Variants in KLHL29 observed in about 807,000 individuals in gnomAD.
KLHL29 encodes kelch-like protein 29.
KLHL29 carries 21 observed loss-of-function variants against 80.4 expected under a neutral mutation model. The observed-to-expected ratio is 0.26, with a 90% CI of 0.19 to 0.38. The LOEUF (loss-of-function observed/expected upper bound fraction) is 0.38, where lower values mean the gene tolerates loss of function less well. Ranked by LOEUF, KLHL29 falls within the 10% of genes least tolerant of loss-of-function variation. The probability of loss-of-function intolerance (pLI) is 1.00; values close to 1 mark genes in which losing one functional copy is unlikely to be tolerated. For synonymous variants in KLHL29, 511 were observed against 526.8 expected (o/e 0.97, Z 0.41); for missense variants, 867 against 1,223.9 (o/e 0.71, Z 4.35).
chr2:23,588,946 C>T (rs1393057278), intron 3 of KLHL29, among the ~76,000 whole-genome samples: 1 of 152,232 alleles, frequency 6.6e-6, no homozygotes, highest in Non-Finnish European at 1.5e-5. Context: ...ATTTCAGACA[C>T]CGGGCCTCCC....
chr2:23,632,167 G>A (rs945364070), intron 3 of KLHL29, among the ~76,000 whole-genome samples: 1 of 152,200 alleles, frequency 6.6e-6, no homozygotes, highest in African/African-American at 2.4e-5. Flanking sequence ...CCCTCCCTGT[G>A]TGATCTTGGA....
chr2:23,548,543 T>C (rs1314616855), intron 2 of KLHL29, among the ~76,000 whole-genome samples: 5 of 152,238 alleles, frequency 3.3e-5, no homozygotes. Flanking sequence ...GGACACATGC[T>C]TTCCAAGTGA....
At chr2:23,686,294 ATG>A (rs1436404297) in intron 6 of KLHL29, among the ~76,000 whole-genome samples, 3 of 152,058 alleles carry the variant, frequency 2.0e-5, no homozygotes, top group Non-Finnish European at 2.9e-5. Context: ...GAACAGTAGG[ATG>A]TGTCTCGGTG....
At chr2:23,505,016 T>C (rs78780541) in intron 2 of KLHL29, among the ~76,000 whole-genome samples, 5,707 of 152,262 alleles carry the variant, frequency 0.037, 311 homozygotes, top group African/African-American at 0.12. Context: ...AGAGCATCCT[T>C]TTGCCTCTCA....
At chr2:23,687,051 C>T (rs1045212333) in intron 6 of KLHL29, among the ~76,000 whole-genome samples, 2 of 152,134 alleles carry the variant, frequency 1.3e-5, no homozygotes, top group Admixed American at 6.5e-5. Flanking sequence ...CTTTTCAGTC[C>T]CCTTGGCATC....
rs190942535 is a variant in KLHL29 at position 23,405,736 on chromosome 2, C to A, written c.-154+19956C>A. ...CTAGGATACTTGGTAAGGAGCTCAG[C>A]CCAAGAGCTACAATGCCGTTGTGAG... On this transcript the variant is annotated intron_variant, in intron 1 of 13. Transcript: ENST00000486442. 1.4e-3 allele frequency among the ~76,000 whole-genome samples: 213 copies of A among 152,274 alleles called. 1 individual carries two copies. Among genetic ancestry groups the A allele is most frequent in the African/African-American group, 4.9e-3 (205 of 41,552 alleles).
chr2:23,386,382 C>T (rs1263854028), intron 1 of KLHL29, among the ~76,000 whole-genome samples: 3 of 152,162 alleles, frequency 2.0e-5, no homozygotes, highest in African/African-American at 7.2e-5. Flanking sequence ...GCTCGAAAAC[C>T]GTCGGGAGGG....
chr2:23,599,717 T>C (rs1261771791), intron 3 of KLHL29, among the ~76,000 whole-genome samples: 1 of 152,200 alleles, frequency 6.6e-6, no homozygotes, highest in Admixed American at 6.5e-5. Context: ...TGCATAATTT[T>C]TTTCCTCCAG....
chr2:23,501,112 G>A (rs1201834326), intron 2 of KLHL29, among the ~76,000 whole-genome samples: 1 of 152,048 alleles, frequency 6.6e-6, no homozygotes, highest in East Asian at 1.9e-4. Context: ...TCATCTCAGG[G>A]ATCTGGGACA....
chr2:23,570,790 G>A (rs548484018), intron 3 of KLHL29, among the ~76,000 whole-genome samples: 1 of 152,326 alleles, frequency 6.6e-6, no homozygotes, highest in African/African-American at 2.4e-5. Flanking sequence ...TTTCAGATTT[G>A]ATTGCTTTAT....
chr2:23,703,830 G>A lies in KLHL29; in HGVS notation c.2411G>A (p.Gly804Asp). ...YDPEKGNIKA[G>D]PNMNHSRQFC... ...CCTGAGAAAGGAAACATTAAGGCGG[G>A]CCCAAACATGAACCACTCTCGCCAG... Residue 804 changes from glycine (G) to aspartate (D), a missense_variant, in exon 13 of 14, where the codon GGC becomes GAC. By Grantham distance (94) the Gly-to-Asp change is moderately conservative. This residue lies in a region of KLHL29 where 443 missense variants were observed against 767.0 expected (regional missense o/e 0.58). Transcript: ENST00000486442. 6.5e-7 allele frequency: 1 copy of A among 1,537,462 alleles called. No homozygotes were observed. The highest frequency in any genetic ancestry group is 8.7e-7 in the Non-Finnish European group (1 of 1,146,944).
intron 3 of KLHL29, among the ~76,000 whole-genome samples, chr2:23,576,981 A>G (rs959789605): frequency 6.6e-6 from 1 of 152,116 alleles, no homozygotes; most frequent in Admixed American, 6.5e-5. Flanking sequence ...GCCACCACCC[A>G]TCTTCAGGTG....
intron 5 of KLHL29, among the ~76,000 whole-genome samples, chr2:23,659,604 G>A (rs532882613): frequency 3.9e-5 from 6 of 152,254 alleles, no homozygotes; most frequent in African/African-American, 7.2e-5. Context: ...TTCAGCTCCC[G>A]CTTCCCCCAC....
At position 23,642,525 on chromosome 2, in the gene KLHL29, G is replaced by C. The variant is rs756376025; in HGVS notation, c.615G>C (p.Ser205=). Residue 205 remains serine, a synonymous_variant, in exon 5 of 14, where the codon TCG becomes TCC. Transcript: ENST00000486442. ...PQLPLMPGHY[S]LPQPPSQPLS... ...TCCCGCTGATGCCAGGCCACTACTC[G>C]CTCCCTCAGCCGCCCTCTCAGCCAC... The C allele has an allele frequency of 6.5e-7, 1 of 1,534,474 alleles. No homozygotes were observed. The highest frequency in any genetic ancestry group is 8.8e-7 in the Non-Finnish European group (1 of 1,135,074).
chr2:23,452,934 C>T (rs1029912449), intron 1 of KLHL29, among the ~76,000 whole-genome samples: 1 of 151,952 alleles, frequency 6.6e-6, no homozygotes, highest in African/African-American at 2.4e-5. Flanking sequence ...ACACATCCCC[C>T]AGCACTTGAG....
chr2:23,539,153 T>A (rs1213650948), intron 2 of KLHL29, among the ~76,000 whole-genome samples: 1 of 152,056 alleles, frequency 6.6e-6, no homozygotes, highest in East Asian at 1.9e-4. Context: ...CCAGGGCTGA[T>A]GAGTGTAGGG....
chr2:23,421,616 T>TCTGAGTGTGTGTTCATGTGC (rs1662809146), intron 1 of KLHL29, among the ~76,000 whole-genome samples: 1 of 150,694 alleles, frequency 6.6e-6, no homozygotes, highest in Non-Finnish European at 1.5e-5. Context: ...GCTTTGTGTG[T>TCTGAGTGTGTGTTCATGTGC]CTGAGTGTGT....
intron 3 of KLHL29, among the ~76,000 whole-genome samples, chr2:23,628,406 C>T (rs1490699067): frequency 2.0e-5 from 3 of 152,092 alleles, no homozygotes; most frequent in African/African-American, 4.8e-5. Flanking sequence ...CCAGGGCAGC[C>T]CCTGGCCAAG....
At chr2:23,401,105 C>T (rs1666589285) in intron 1 of KLHL29, among the ~76,000 whole-genome samples, 1 of 152,154 alleles carries the variant, frequency 6.6e-6, no homozygotes, top group Non-Finnish European at 1.5e-5. Context: ...CCTCTGCTGC[C>T]CCGTTTCTGG....
Sources: allele counts gnomAD v4.1 joint callset (sites outside exome capture counted in the v4.1 genomes callset), GRCh38; gene constraint gnomAD v4.1.1; regional missense constraint gnomAD v4.1.1; transcripts MANE v1.5; gene names NCBI Gene and HGNC (gene_info 2026-07-23, HGNC 2026-07-21).